The following UROC1 variants were observed in gnomAD, a reference collection of about 807,000 sequenced individuals.
The protein encoded by UROC1 is urocanate hydratase 1, also known as urocanate hydratase.
A neutral mutation model predicts 89.5 loss-of-function variants in UROC1; 79 were observed. The observed-to-expected ratio is 0.88, with a 90% CI of 0.74 to 1.06. The LOEUF (loss-of-function observed/expected upper bound fraction) is 1.06. UROC1 is among the 50% of genes least tolerant of loss of function. The probability of loss-of-function intolerance (pLI) is 0.00; values close to 1 mark genes in which losing one functional copy is unlikely to be tolerated. For synonymous variants in UROC1, 361 were observed against 354.8 expected, an observed-to-expected ratio of 1.02 and a Z score of -0.20; for missense variants, 885 against 907.8, an observed-to-expected ratio of 0.97 and a Z score of 0.32.
intron 9 of UROC1, among the ~76,000 whole-genome samples, chr3:126,503,623 C>T (rs1386402179): frequency 2.6e-5 from 4 of 152,232 alleles, no homozygotes; most frequent in African/African-American, 9.6e-5. Context: ...GCCCACACAG[C>T]AGGGAAAAGA....
At chr3:126,516,284 A>C (rs191287196) in intron 1 of UROC1, among the ~76,000 whole-genome samples, 169 of 1,236 alleles carry the variant, frequency 0.14, 24 homozygotes, top group African/African-American at 0.51. Flanking sequence ...CCACCACCTA[A>C]TGTCCCCCAC....
rs778933202 is a variant in UROC1, at chr3:126,508,495, A to C, written c.352-20T>G. 1.4e-5 allele frequency: 23 copies of C among 1,609,426 alleles called. No homozygotes were observed. The Admixed American group carries it at 1.8e-4, about 13-fold the overall frequency. ...GGGAAACTGAGGAAGACACGGGGTC[A>C]TCTGAGATGAGGGCCTGGGAAGGGC... On this transcript the variant is annotated intron_variant, in intron 3 of 19. Transcript: ENST00000290868.
At position 126,486,180 on chromosome 3, in the gene UROC1, G is replaced by T. The variant is rs1031762465; in HGVS notation, c.1790+2018C>A. On this transcript the variant is annotated intron_variant, in intron 18 of 19. Coordinates refer to ENST00000290868, the MANE Select transcript of UROC1 (RefSeq NM_144639.3). ...CTGGAAGCCTGCTCACCTGAGGTGG[G>T]CTCCCAGATGCCCACCCACCTGCTG... Among the ~76,000 whole-genome samples the T allele has an allele frequency of 2.0e-5, 3 of 152,222 alleles. No homozygotes were observed. The East Asian group carries it at 5.8e-4, about 29-fold the overall frequency.
Position 126,505,821 on chromosome 3 carries a change from A to AC in UROC1, c.692dup (p.Arg232SerfsTer43). 1 of 1,613,838 alleles carries AC rather than the reference A, an allele frequency of 6.2e-7. No homozygotes were observed. The highest frequency in any genetic ancestry group is 8.5e-7 in the Non-Finnish European group (1 of 1,180,022). ...CCAAGTCCTCGATGCCCAGGTACCG[A>AC]CGTGCAGCATTCAACACGGTGAGCT... On this transcript the variant is annotated frameshift_variant, in exon 8 of 20. Coordinates refer to ENST00000290868, the MANE Select transcript of UROC1 (RefSeq NM_144639.3). LOFTEE classifies it high-confidence loss of function.
At chr3:126,488,602 C>T (rs1935571136) in intron 17 of UROC1, among the ~76,000 whole-genome samples, 1 of 152,196 alleles carries the variant, frequency 6.6e-6, no homozygotes, top group Non-Finnish European at 1.5e-5. Context: ...AGTAGAGTGC[C>T]AAAGAGAGTC....
intron 14 of UROC1, among the ~76,000 whole-genome samples, chr3:126,496,727 G>T (rs562901228): frequency 6.6e-6 from 1 of 152,338 alleles, no homozygotes; most frequent in East Asian, 1.9e-4. Context: ...GGAGCCAGTG[G>T]TTAACATAAA....
chr3:126,487,886 G>T (rs573992635), intron 18 of UROC1, among the ~76,000 whole-genome samples: 1 of 152,318 alleles, frequency 6.6e-6, no homozygotes, highest in Non-Finnish European at 1.5e-5. Context: ...AAACTGACAT[G>T]CTGGAAACTA....
Position 126,496,021 on chromosome 3 carries a change from C to CT in UROC1, c.1509+16_1509+17insA. The CT allele has an allele frequency of 1.9e-6, 3 of 1,611,652 alleles. No homozygotes were observed. The highest frequency in any genetic ancestry group is 2.5e-6 in the Non-Finnish European group (3 of 1,179,328). ...ACAGCACAGCCACCCCAGCCTCCCC[C>CT]AGGCCTGGGCCCTCACCAGCCGGTG... On this transcript the variant is annotated intron_variant, in intron 15 of 19. Transcript: ENST00000290868.
chr3:126,502,490 G>A (rs1935954289), intron 9 of UROC1, among the ~76,000 whole-genome samples: 2 of 150,666 alleles, frequency 1.3e-5, no homozygotes. Context: ...TACGTATTGT[G>A]TTTATGCATG....
At chr3:126,512,086 T>A (rs1052075411) in intron 1 of UROC1, among the ~76,000 whole-genome samples, 3 of 152,254 alleles carry the variant, frequency 2.0e-5, no homozygotes, top group African/African-American at 4.8e-5. Context: ...AGGCTCACTC[T>A]CACTGGCCTG....
intron 11 of UROC1, 100 bp downstream of exon 11, chr3:126,500,595 G>C: frequency 6.7e-7 from 1 of 1,490,346 alleles, no homozygotes; most frequent in Non-Finnish European, 9.3e-7. Context: ...CTTGCCCAAG[G>C]CCAAGCAGCT....
intron 9 of UROC1, chr3:126,501,696 A>G (rs9844797): frequency 0.57 from 770,756 of 1,358,786 alleles, 219,818 homozygotes; most frequent in Middle Eastern, 0.61. Flanking sequence ...ATATTTTGGG[A>G]AACAGAAGAT....
chr3:126,508,477 T>C lies in UROC1; in HGVS notation c.352-2A>G. 4 of 1,613,146 alleles carry C rather than the reference T, an allele frequency of 2.5e-6. No homozygotes were observed. Among genetic ancestry groups the C allele is most frequent in the South Asian group, 1.1e-5 (1 of 90,880 alleles). On this transcript the variant is annotated splice_acceptor_variant, in intron 3 of 19. Coordinates refer to ENST00000290868, the MANE Select transcript of UROC1 (RefSeq NM_144639.3). LOFTEE classifies it high-confidence loss of function. ...ATAGGTCACCAGCTCCTGGGGAAAC[T>C]GAGGAAGACACGGGGTCATCTGAGA...
At chr3:126,508,258 A>G (rs1286099332) in intron 4 of UROC1, among the ~76,000 whole-genome samples, 158 bp downstream of exon 4, 4 of 151,984 alleles carry the variant, frequency 2.6e-5, no homozygotes, top group Admixed American at 6.5e-5. Context: ...CCATTCCTAT[A>G]ACCTGAAATT....
Position 126,500,879 on chromosome 3 carries a change from G to A in UROC1, c.966-5C>T. 6.2e-7 allele frequency: 1 copy of A among 1,613,582 alleles called. No individual in the cohort carries two copies. The highest frequency in any genetic ancestry group is 8.5e-7 in the Non-Finnish European group (1 of 1,180,000). ...AATTCGTGGACCAGGCGCTCCCTGGGGAAGCCATGCGGTGGTCAGTGCAAG... is the reference window on the plus strand; with the variant it reads ...AATTCGTGGACCAGGCGCTCCCTGGAGAAGCCATGCGGTGGTCAGTGCAAG... On this transcript the variant is annotated splice_region_variant and splice_polypyrimidine_tract_variant and intron_variant, in intron 10 of 19. Coordinates refer to ENST00000290868, the MANE Select transcript of UROC1 (RefSeq NM_144639.3).
rs1935522535 is a variant in UROC1, at chr3:126,486,693, CAG to C, written c.1790+1503_1790+1504del. Reference sequence around the variant, plus strand: ...TGAGGGTGAGCGCACAGCCTGGAAACAGGGATCAATGCGCAGGAAAGAGAAAC... The same window carrying C: ...TGAGGGTGAGCGCACAGCCTGGAAACGGATCAATGCGCAGGAAAGAGAAAC... On this transcript the variant is annotated intron_variant, in intron 18 of 19. Coordinates refer to ENST00000290868, the MANE Select transcript of UROC1 (RefSeq NM_144639.3). Among the ~76,000 whole-genome samples the C allele has an allele frequency of 3.9e-5, 6 of 152,322 alleles. No individual in the cohort carries two copies. The South Asian group carries it at 1.2e-3, about 32-fold the overall frequency.
At position 126,481,871 on chromosome 3, in the gene UROC1, T is replaced by A. The variant is rs1317132358; in HGVS notation, c.*474A>T. ...AGCACACAGCTCTGTTGACCCTTTA[T>A]TTCCTGGTCTATCCTCCTTCCCGAA... On this transcript the variant is annotated 3_prime_UTR_variant, in exon 20 of 20. Transcript: ENST00000290868. 4.6e-6 allele frequency: 1 copy of A among 219,706 alleles called. No individual in the cohort carries two copies. The highest frequency in any genetic ancestry group is 5.2e-5 in the Admixed American group (1 of 19,192). The allele number at this position is 219,706 out of a possible 1,614,324, so 13.6% of individuals were successfully genotyped here.
chr3:126,491,501 G>A (rs1935650674), intron 16 of UROC1, among the ~76,000 whole-genome samples: 1 of 152,260 alleles, frequency 6.6e-6, no homozygotes, highest in Admixed American at 6.5e-5. Context: ...GGGCTTCCAG[G>A]AAGCACTGGG....
At chr3:126,487,092 G>A (rs1935536191) in intron 18 of UROC1, among the ~76,000 whole-genome samples, 2 of 152,190 alleles carry the variant, frequency 1.3e-5, no homozygotes, top group South Asian at 4.1e-4. Context: ...CCTGCCCTCA[G>A]GGCTGCCTGA....
Sources: allele counts gnomAD v4.1 joint callset (sites outside exome capture counted in the v4.1 genomes callset), GRCh38; gene constraint gnomAD v4.1.1; transcripts MANE v1.5; gene names NCBI Gene and HGNC (gene_info 2026-07-23, HGNC 2026-07-21).